The following DIS3L variants were observed in gnomAD, a reference collection of about 807,000 sequenced individuals.
DIS3L encodes DIS3-like exonuclease 1.
Under a neutral mutation model 120.3 loss-of-function variants are expected in DIS3L, and 100 were observed. The ratio of observed to expected loss-of-function variants is 0.83; its 90% confidence interval spans 0.71 to 0.98. The LOEUF (loss-of-function observed/expected upper bound fraction) is 0.98, where lower values mean the gene tolerates loss of function less well. DIS3L is among the 50% of genes least tolerant of loss of function. The pLI, the probability that DIS3L is intolerant of heterozygous loss-of-function variation, is 0.00. For missense variants in DIS3L, 1,196 were observed against 1,314.2 expected, an observed-to-expected ratio of 0.91 and a Z score of 1.39; for synonymous variants, 426 against 470.6, an observed-to-expected ratio of 0.91 and a Z score of 1.23.
Position 66,326,381 on chromosome 15 carries a change from G to T in DIS3L, c.2201+17G>T. 6.2e-7 allele frequency: 1 copy of T among 1,607,268 alleles called. No homozygotes were observed. The highest frequency in any genetic ancestry group is 8.5e-7 in the Non-Finnish European group (1 of 1,175,398). The stretch of plus-strand genomic sequence containing the variant: ...AGATACACGGTATTCCTCTTTTGAG[G>T]GGGCAGAGGAATGGAGTGGCATGCT... On this transcript the variant is annotated intron_variant, in intron 12 of 16. Coordinates refer to ENST00000319212, the MANE Select transcript of DIS3L (RefSeq NM_001143688.3).
chr15:66,333,018 A>G lies in DIS3L; in HGVS notation c.2871A>G (p.Ile957Met). ...CTCTATGCTAGGTAAGAATATCCAT[A>G]CAGGCCTCACGTTGCCATTCTGATA... ...LFDHVTVRIS[I>M]QASRCHSDTI... is the part of the protein sequence containing the mutation. Residue 957 changes from isoleucine to methionine, a missense_variant, in exon 17 of 17, where the codon ATA becomes ATG. Coordinates refer to ENST00000319212, the MANE Select transcript of DIS3L (RefSeq NM_001143688.3). 6.2e-7 allele frequency: 1 copy of G among 1,611,690 alleles called. No individual in the cohort carries two copies.
At chr15:66,310,961 A>G (rs2092754025) in intron 4 of DIS3L, among the ~76,000 whole-genome samples, 1 of 147,380 alleles carries the variant, frequency 6.8e-6, no homozygotes, top group African/African-American at 2.5e-5. Context: ...TGCCACTTGT[A>G]CTCCAGCATG....
intron 2 of DIS3L, among the ~76,000 whole-genome samples, chr15:66,306,486 C>T (rs1029762842): frequency 1.3e-5 from 2 of 152,176 alleles, no homozygotes; most frequent in African/African-American, 2.4e-5. Flanking sequence ...CCTCCGTGCA[C>T]TCAGGCTTTG....
intron 14 of DIS3L, among the ~76,000 whole-genome samples, chr15:66,330,755 A>C (rs1161282906): frequency 1.3e-5 from 2 of 152,204 alleles, no homozygotes; most frequent in African/African-American, 4.8e-5. Flanking sequence ...CTAAGCAATC[A>C]AATTTATAAC....
chr15:66,309,997 A>G (rs2092744448), intron 4 of DIS3L, among the ~76,000 whole-genome samples: 1 of 152,066 alleles, frequency 6.6e-6, no homozygotes, highest in Non-Finnish European at 1.5e-5. Context: ...ACCTTTTGTG[A>G]GAGTAGGATG....
intron 2 of DIS3L, among the ~76,000 whole-genome samples, chr15:66,300,704 C>A (rs549584045): frequency 9.9e-5 from 15 of 152,212 alleles, no homozygotes; most frequent in Admixed American, 9.8e-4. Context: ...AAGAGTATCA[C>A]TGAGGTTTCT....
At position 66,306,930 on chromosome 15, in the gene DIS3L, T is replaced by A. The variant is rs774328841; in HGVS notation, c.400T>A (p.Ser134Thr). ...CTATCTGCCACGGGAAAGAGGAGAG[T>A]CCATGGAGAAGTGGCAGACCAGGTA... is the stretch of plus-strand genomic sequence containing the variant. Reference protein sequence around the residue: ...CCYLPRERGESMEKWQTRSIY... With the variant: ...CCYLPRERGETMEKWQTRSIY... The change falls in exon 3 of 17, where the codon TCC becomes ACC. Residue 134 changes from serine (S) to threonine (T), a missense_variant. By Grantham distance (58) the Ser-to-Thr change is moderately conservative. Transcript: ENST00000319212. 1 of 1,613,770 alleles carries A rather than the reference T, an allele frequency of 6.2e-7. No homozygotes were observed.
chr15:66,320,196 T>C (rs748173452), intron 8 of DIS3L, among the ~76,000 whole-genome samples: 1 of 152,100 alleles, frequency 6.6e-6, no homozygotes, highest in African/African-American at 2.4e-5. Flanking sequence ...AACATTAAGA[T>C]TGTTGTTTTA....
At chr15:66,302,229 A>G (rs1237838797) in intron 2 of DIS3L, among the ~76,000 whole-genome samples, 1 of 152,154 alleles carries the variant, frequency 6.6e-6, no homozygotes, top group African/African-American at 2.4e-5. Context: ...TTAGCTGAGC[A>G]TGGTGGCCTG....
At chr15:66,331,682 C>T in intron 14 of DIS3L, 193 bp from the exon 15 acceptor site, 1 of 513,076 alleles carries the variant, frequency 1.9e-6, no homozygotes. Flanking sequence ...TAAAATAATT[C>T]ATTTTCTAAG....
chr15:66,315,356 AAT>A (rs1426974394), intron 7 of DIS3L, 141 bp downstream of exon 7: 1 of 838,170 alleles, frequency 1.2e-6, no homozygotes, highest in Non-Finnish European at 1.7e-6. Context: ...TATTGTGTAT[AAT>A]ATGATGATTT....
At chr15:66,293,789 T>TG (rs1173194251) in intron 1 of DIS3L, 54 bp downstream of exon 1, 3 of 1,121,092 alleles carry the variant, frequency 2.7e-6, no homozygotes, top group Non-Finnish European at 2.2e-6. Flanking sequence ...GCGGCCGCAG[T>TG]GAGGGGCTGA....
chr15:66,323,051 A>C, intron 10 of DIS3L, 117 bp downstream of exon 10: 1 of 1,321,160 alleles, frequency 7.6e-7, no homozygotes, highest in South Asian at 1.5e-5. Flanking sequence ...GGTCCCTTCC[A>C]GAAAAAAAAA....
intron 2 of DIS3L, among the ~76,000 whole-genome samples, chr15:66,301,207 T>TG: frequency 6.6e-6 from 1 of 152,334 alleles, no homozygotes; most frequent in East Asian, 1.9e-4. Flanking sequence ...ATTAAGATGA[T>TG]GGAGTTTTAG....
chr15:66,294,493 G>A (rs2092563868), intron 1 of DIS3L: 1 of 986,714 alleles, frequency 1.0e-6, no homozygotes, highest in Non-Finnish European at 1.2e-6. Flanking sequence ...CTCAGATGCA[G>A]GTCTGGTGGG....
chr15:66,325,693 T>G, intron 11 of DIS3L, 138 bp from the exon 12 acceptor site: 1 of 984,004 alleles, frequency 1.0e-6, no homozygotes, highest in Non-Finnish European at 1.5e-6. Flanking sequence ...TCCAGGAGAT[T>G]GAGGCAGCAG....
intron 6 of DIS3L, 44 bp downstream of exon 6, chr15:66,314,161 T>G (rs778497689): frequency 1.4e-6 from 2 of 1,381,950 alleles, no homozygotes; most frequent in African/African-American, 3.0e-5. Flanking sequence ...CCTTTTTTAT[T>G]CTGACGTTAT....
intron 3 of DIS3L, among the ~76,000 whole-genome samples, chr15:66,307,455 C>T (rs1031177444): frequency 2.0e-5 from 3 of 152,060 alleles, no homozygotes; most frequent in African/African-American, 7.2e-5. Flanking sequence ...GTAGCTGCCA[C>T]CACACTTAGC....
chr15:66,315,264 ATATTTGT>A (rs1272605074), intron 7 of DIS3L, 49 bp downstream of exon 7: 6 of 1,530,612 alleles, frequency 3.9e-6, no homozygotes, highest in Non-Finnish European at 5.3e-6. Context: ...TTGTGGAATT[ATATTTGT>A]CTCCTCTTTA....
Sources: allele counts gnomAD v4.1 joint callset (sites outside exome capture counted in the v4.1 genomes callset), GRCh38; gene constraint gnomAD v4.1.1; transcripts MANE v1.5; gene names NCBI Gene and HGNC (gene_info 2026-07-23, HGNC 2026-07-21).